Variants in SDCCAG8 observed in about 807,000 individuals in gnomAD.
SDCCAG8 encodes the protein serologically defined colon cancer antigen 8.
A neutral mutation model predicts 101.8 loss-of-function variants in SDCCAG8; 74 were observed. That is an observed-to-expected ratio of 0.73 (90% CI 0.60 to 0.88). The LOEUF (loss-of-function observed/expected upper bound fraction) is 0.88. Among genes scored for constraint, SDCCAG8 ranks in the 40% least tolerant of loss-of-function variants. The pLI, the probability that SDCCAG8 is intolerant of heterozygous loss-of-function variation, is 0.00. For synonymous variants in SDCCAG8, 281 were observed against 292.9 expected (o/e 0.96, Z 0.41); for missense variants, 787 against 822.6 (o/e 0.96, Z 0.53).
chr1:243,430,341 T>C (rs1326377051), intron 16 of SDCCAG8, among the ~76,000 whole-genome samples: 1 of 152,158 alleles, frequency 6.6e-6, no homozygotes. Flanking sequence ...GAACTGTGTG[T>C]CCAACATAAA....
chr1:243,264,320 A>G (rs950835332), intron 1 of SDCCAG8, among the ~76,000 whole-genome samples: 2 of 152,168 alleles, frequency 1.3e-5, no homozygotes, highest in Non-Finnish European at 2.9e-5. Flanking sequence ...TTACTAAGAA[A>G]ATGGACAATA....
At chr1:243,447,280 T>C (rs1360974704) in intron 16 of SDCCAG8, among the ~76,000 whole-genome samples, 1 of 120,490 alleles carries the variant, frequency 8.3e-6, no homozygotes, top group African/African-American at 3.1e-5. Context: ...AAAAAAACCA[T>C]GCCTCATTCT....
chr1:243,322,605 C>T (rs778845443), intron 9 of SDCCAG8, among the ~76,000 whole-genome samples: 4 of 152,052 alleles, frequency 2.6e-5, no homozygotes, highest in East Asian at 3.9e-4. Context: ...CTGTTAAATC[C>T]GTAGCATCTT....
intron 7 of SDCCAG8, among the ~76,000 whole-genome samples, chr1:243,307,069 T>TG (rs1328506146): frequency 6.6e-6 from 1 of 151,652 alleles, no homozygotes; most frequent in African/African-American, 2.4e-5. Flanking sequence ...TTGTTTTTTT[T>TG]TTTTTTGAAG....
chr1:243,396,221 A>G (rs1272512351), intron 13 of SDCCAG8, among the ~76,000 whole-genome samples: 1 of 152,166 alleles, frequency 6.6e-6, no homozygotes, highest in Non-Finnish European at 1.5e-5. Flanking sequence ...CTTGATAGCT[A>G]TAGATGCCAC....
chr1:243,309,805 A>T (rs1003212371), intron 8 of SDCCAG8, among the ~76,000 whole-genome samples: 6 of 151,996 alleles, frequency 3.9e-5, no homozygotes, highest in African/African-American at 1.4e-4. Context: ...TAACCTACTA[A>T]TTGTTATATG....
At chr1:243,371,155 T>A (rs2077266686) in intron 12 of SDCCAG8, among the ~76,000 whole-genome samples, 1 of 152,186 alleles carries the variant, frequency 6.6e-6, no homozygotes, top group South Asian at 2.1e-4. Context: ...ATCTGGGTTG[T>A]ATCTTCTCCT....
intron 12 of SDCCAG8, among the ~76,000 whole-genome samples, chr1:243,358,663 A>G (rs2076527058): frequency 6.6e-6 from 1 of 152,228 alleles, no homozygotes; most frequent in Non-Finnish European, 1.5e-5. Flanking sequence ...ACGGATGTTC[A>G]TAGCATTATT....
chr1:243,281,474 C>CT (rs780597039), intron 4 of SDCCAG8, among the ~76,000 whole-genome samples: 8 of 150,852 alleles, frequency 5.3e-5, no homozygotes, highest in South Asian at 2.1e-4. Flanking sequence ...GTTTATTGTT[C>CT]TTTTTTTTAA....
chr1:243,344,857 A>C (rs1361109992), intron 12 of SDCCAG8, among the ~76,000 whole-genome samples: 1 of 152,220 alleles, frequency 6.6e-6, no homozygotes, highest in Non-Finnish European at 1.5e-5. Flanking sequence ...AAAGCTGCGT[A>C]CTTTAATTTC....
intron 4 of SDCCAG8, among the ~76,000 whole-genome samples, chr1:243,279,255 C>T (rs77446978): frequency 0.014 from 2,082 of 152,254 alleles, 17 homozygotes; most frequent in Non-Finnish European, 0.021. Flanking sequence ...TGTTCTTTAT[C>T]AAGTTGAGAA....
intron 17 of SDCCAG8, among the ~76,000 whole-genome samples, chr1:243,497,656 T>C (rs1558559389): frequency 6.6e-6 from 1 of 152,138 alleles, no homozygotes; most frequent in African/African-American, 2.4e-5. Context: ...TCCTGGAGCT[T>C]ATCAAAAAAT....
intron 17 of SDCCAG8, among the ~76,000 whole-genome samples, chr1:243,490,050 C>T (rs570093549): frequency 6.6e-6 from 1 of 152,240 alleles, no homozygotes; most frequent in East Asian, 1.9e-4. Context: ...CTGTGAGTGC[C>T]CTGGGGACTT....
At chr1:243,408,328 A>G (rs1393824257) in intron 13 of SDCCAG8, among the ~76,000 whole-genome samples, 1 of 152,190 alleles carries the variant, frequency 6.6e-6, no homozygotes. Flanking sequence ...ATTGATGCAC[A>G]TGTCTTATCT....
intron 10 of SDCCAG8, among the ~76,000 whole-genome samples, chr1:243,333,156 C>T (rs1470854835): frequency 5.3e-5 from 8 of 152,186 alleles, no homozygotes; most frequent in African/African-American, 1.7e-4. Context: ...AAGGTGTCTT[C>T]CTAATCCCTT....
intron 9 of SDCCAG8, among the ~76,000 whole-genome samples, chr1:243,321,399 T>C (rs2073746540): frequency 6.7e-6 from 1 of 148,998 alleles, no homozygotes; most frequent in African/African-American, 2.5e-5. Context: ...TCCCCCAAGT[T>C]GTCTGCAGTG....
At chr1:243,443,626 A>G (rs990048527) in intron 16 of SDCCAG8, among the ~76,000 whole-genome samples, 1 of 152,222 alleles carries the variant, frequency 6.6e-6, no homozygotes, top group African/African-American at 2.4e-5. Context: ...ATTGTCGGTC[A>G]GGAAATCTAG....
At chr1:243,384,999 A>G (rs757397904) in intron 13 of SDCCAG8, among the ~76,000 whole-genome samples, 5 of 152,180 alleles carry the variant, frequency 3.3e-5, no homozygotes, top group Non-Finnish European at 5.9e-5. Context: ...ATTTTCTGTC[A>G]TAAGACGCTG....
chr1:243,335,973 T>C (rs2074980866), intron 10 of SDCCAG8, among the ~76,000 whole-genome samples: 1 of 152,204 alleles, frequency 6.6e-6, no homozygotes, highest in African/African-American at 2.4e-5. Context: ...CCTGATTCCA[T>C]TCTTTTTTAT....
Sources: allele counts gnomAD v4.1 joint callset (sites outside exome capture counted in the v4.1 genomes callset), GRCh38; gene constraint gnomAD v4.1.1; transcripts MANE v1.5; gene names NCBI Gene and HGNC (gene_info 2026-07-23, HGNC 2026-07-21).